The following DSCAM variants were observed in gnomAD, a reference collection of about 807,000 sequenced individuals.
The protein encoded by DSCAM is cell adhesion molecule DSCAM.
Under a neutral mutation model 217.7 loss-of-function variants are expected in DSCAM, and 47 were observed. The observed-to-expected ratio is 0.22, with a 90% CI of 0.17 to 0.28. The LOEUF (loss-of-function observed/expected upper bound fraction) is 0.28, where lower values mean the gene tolerates loss of function less well. Ranked by LOEUF, DSCAM falls within the 10% of genes least tolerant of loss-of-function variation. The pLI is 1.00. For missense variants in DSCAM, 2,080 were observed against 2,618.3 expected (o/e 0.79, Z 4.49); for synonymous variants, 1,056 against 1,015.3 (o/e 1.04, Z -0.76).
chr21:40,845,621 T>A (rs1382282663), intron 1 of DSCAM, among the ~76,000 whole-genome samples: 2 of 151,882 alleles, frequency 1.3e-5, no homozygotes, highest in African/African-American at 4.8e-5. Flanking sequence ...TCTCTCTCTC[T>A]CTCCTCTCTT....
intron 1 of DSCAM, among the ~76,000 whole-genome samples, chr21:40,793,377 A>G (rs545210358): frequency 6.6e-6 from 1 of 152,368 alleles, no homozygotes; most frequent in East Asian, 1.9e-4. Flanking sequence ...TGGCACAGGA[A>G]TCAAAGCAAC....
chr21:40,244,032 A>G (rs1226292191), intron 11 of DSCAM, among the ~76,000 whole-genome samples: 2 of 152,226 alleles, frequency 1.3e-5, no homozygotes, highest in Non-Finnish European at 2.9e-5. Context: ...TTCCCCATTT[A>G]GACAACACAA....
At chr21:40,501,480 T>C (rs1311273551) in intron 3 of DSCAM, among the ~76,000 whole-genome samples, 1 of 152,206 alleles carries the variant, frequency 6.6e-6, no homozygotes, top group African/African-American at 2.4e-5. Context: ...TTTTATTCAT[T>C]GTGATATATA....
chr21:40,049,801 C>G (rs1343944147), intron 30 of DSCAM, among the ~76,000 whole-genome samples: 1 of 152,200 alleles, frequency 6.6e-6, no homozygotes, highest in African/African-American at 2.4e-5. Context: ...TGCTGTGACT[C>G]CGGTTCATGT....
At chr21:40,090,370 T>C (rs944018702) in intron 21 of DSCAM, among the ~76,000 whole-genome samples, 1 of 152,098 alleles carries the variant, frequency 6.6e-6, no homozygotes, top group Non-Finnish European at 1.5e-5. Context: ...TGAAGGAATG[T>C]TCTGCCCAGT....
At chr21:40,724,830 T>C (rs2090937478) in intron 1 of DSCAM, among the ~76,000 whole-genome samples, 1 of 152,246 alleles carries the variant, frequency 6.6e-6, no homozygotes, top group South Asian at 2.1e-4. Context: ...TTTCTTTTGC[T>C]AGAACTTCAC....
At chr21:40,428,336 T>A (rs1412409611) in intron 3 of DSCAM, among the ~76,000 whole-genome samples, 4 of 150,620 alleles carry the variant, frequency 2.7e-5, no homozygotes, top group Non-Finnish European at 5.9e-5. Context: ...AATGGTGCAA[T>A]CTCGTCTCAC....
chr21:40,353,301 C>G (rs1249172869), intron 5 of DSCAM, among the ~76,000 whole-genome samples, 164 bp downstream of exon 5: 2 of 152,194 alleles, frequency 1.3e-5, no homozygotes, highest in African/African-American at 2.4e-5. Context: ...GGGAATTCAT[C>G]TGAGCATTAA....
chr21:40,174,659 G>C (rs1287088204), intron 15 of DSCAM, among the ~76,000 whole-genome samples: 2 of 151,976 alleles, frequency 1.3e-5, no homozygotes, highest in Non-Finnish European at 2.9e-5. Context: ...TCACTGAGGG[G>C]GTATGGTCAG....
chr21:40,250,953 T>A (rs1054404166), intron 11 of DSCAM, among the ~76,000 whole-genome samples: 1 of 152,242 alleles, frequency 6.6e-6, no homozygotes, highest in Non-Finnish European at 1.5e-5. Flanking sequence ...TGGGCACTGA[T>A]AACACCACAG....
chr21:40,739,773 G>C (rs1227689373), intron 1 of DSCAM, among the ~76,000 whole-genome samples: 2 of 139,862 alleles, frequency 1.4e-5, no homozygotes, highest in African/African-American at 5.9e-5. Flanking sequence ...TTAAAACTTA[G>C]AGAATTAGTT....
At chr21:40,302,011 T>C (rs1403836945) in intron 9 of DSCAM, among the ~76,000 whole-genome samples, 1 of 152,158 alleles carries the variant, frequency 6.6e-6, no homozygotes, top group Non-Finnish European at 1.5e-5. Context: ...CCAAAACTTA[T>C]GACAGAACAA....
At chr21:40,100,427 T>C (rs1290085629) in intron 20 of DSCAM, among the ~76,000 whole-genome samples, 1 of 152,222 alleles carries the variant, frequency 6.6e-6, no homozygotes, top group Non-Finnish European at 1.5e-5. Context: ...ACTATATTTA[T>C]ATTTCATTAA....
chr21:40,647,815 T>C (rs2089965398), intron 3 of DSCAM, among the ~76,000 whole-genome samples: 1 of 152,202 alleles, frequency 6.6e-6, no homozygotes, highest in African/African-American at 2.4e-5. Context: ...CTTTATATAA[T>C]GCCTCACATC....
At chr21:40,219,378 C>T (rs941192643) in intron 11 of DSCAM, among the ~76,000 whole-genome samples, 6 of 152,110 alleles carry the variant, frequency 3.9e-5, no homozygotes, top group Admixed American at 6.6e-5. Context: ...CTATATTATA[C>T]GACTGCCTCC....
At chr21:40,513,885 G>T (rs939469890) in intron 3 of DSCAM, among the ~76,000 whole-genome samples, 9 of 152,120 alleles carry the variant, frequency 5.9e-5, no homozygotes, top group African/African-American at 2.2e-4. Flanking sequence ...AAAAACAAGT[G>T]AAGTCAAAAA....
At chr21:40,454,547 G>C (rs186004027) in intron 3 of DSCAM, among the ~76,000 whole-genome samples, 1 of 152,316 alleles carries the variant, frequency 6.6e-6, no homozygotes, top group Admixed American at 6.5e-5. Flanking sequence ...AGAATGAAGA[G>C]GAAGGATGGG....
chr21:40,518,751 G>C (rs1329131127), intron 3 of DSCAM, among the ~76,000 whole-genome samples: 1 of 148,254 alleles, frequency 6.7e-6, no homozygotes, highest in Non-Finnish European at 1.5e-5. Context: ...TTGAGTTATA[G>C]GAAGAACATC....
chr21:40,630,317 T>C (rs2089672156), intron 3 of DSCAM, among the ~76,000 whole-genome samples: 1 of 152,220 alleles, frequency 6.6e-6, no homozygotes, highest in African/African-American at 2.4e-5. Flanking sequence ...TGGTGTATAG[T>C]CAACACTTAA....
Sources: allele counts gnomAD v4.1 joint callset (sites outside exome capture counted in the v4.1 genomes callset), GRCh38; gene constraint gnomAD v4.1.1; transcripts MANE v1.5; gene names NCBI Gene and HGNC (gene_info 2026-07-23, HGNC 2026-07-21).